The following LRP1B variants were observed in gnomAD, a reference collection of about 807,000 sequenced individuals.
LRP1B encodes the protein low-density lipoprotein receptor-related protein 1B.
Under a neutral mutation model 556.6 loss-of-function variants are expected in LRP1B, and 217 were observed. The observed-to-expected ratio is 0.39, with a 90% CI of 0.35 to 0.44. The LOEUF is 0.44. Ranked by LOEUF, LRP1B falls within the 20% of genes least tolerant of loss-of-function variation. LRP1B has a pLI of 1.00. For missense variants in LRP1B, 5,053 were observed against 5,620.8 expected, an observed-to-expected ratio of 0.90 and a Z score of 3.23; for synonymous variants, 2,047 against 1,865.8, an observed-to-expected ratio of 1.10 and a Z score of -2.50.
intron 14 of LRP1B, among the ~76,000 whole-genome samples, chr2:141,010,639 C>T (rs1056098306): frequency 1.1e-4 from 16 of 151,980 alleles, no homozygotes; most frequent in Admixed American, 3.3e-4. Flanking sequence ...CTCAGCCTCC[C>T]GAGTAGCTAG....
intron 1 of LRP1B, among the ~76,000 whole-genome samples, chr2:142,076,538 C>T (rs1435079433): frequency 2.0e-5 from 3 of 152,040 alleles, no homozygotes; most frequent in African/African-American, 4.8e-5. Flanking sequence ...TTTCATGGGT[C>T]GTTCAAGTGT....
chr2:141,181,296 G>A (rs1358822690), intron 7 of LRP1B, among the ~76,000 whole-genome samples: 1 of 151,872 alleles, frequency 6.6e-6, no homozygotes, highest in Non-Finnish European at 1.5e-5. Context: ...ACATTACAGA[G>A]CAAAGAAATA....
At chr2:140,857,068 A>T (rs1692640285) in intron 27 of LRP1B, among the ~76,000 whole-genome samples, 1 of 152,188 alleles carries the variant, frequency 6.6e-6, no homozygotes, top group African/African-American at 2.4e-5. Context: ...TTCACATTTG[A>T]TTCAAACTGT....
chr2:141,958,212 A>G (rs1200260084), intron 1 of LRP1B, among the ~76,000 whole-genome samples: 4 of 152,022 alleles, frequency 2.6e-5, no homozygotes, highest in Admixed American at 6.6e-5. Context: ...ACAGCCAAAC[A>G]TTGGCATGCT....
intron 79 of LRP1B, among the ~76,000 whole-genome samples, chr2:140,327,577 G>A (rs1680554475): frequency 6.6e-6 from 1 of 151,982 alleles, no homozygotes; most frequent in South Asian, 2.1e-4. Context: ...TGACTGAGAA[G>A]GGTTAAAAAC....
chr2:140,346,420 C>T (rs1681687488), intron 77 of LRP1B, among the ~76,000 whole-genome samples: 1 of 151,812 alleles, frequency 6.6e-6, no homozygotes, highest in African/African-American at 2.4e-5. Flanking sequence ...AACATTATCA[C>T]TTACCTGAGT....
rs139768049 is a variant in LRP1B at position 141,196,651 on chromosome 2, AT to A, written c.851-8069del. On this transcript the variant is annotated intron_variant, in intron 6 of 90. Transcript: ENST00000389484. The stretch of plus-strand genomic sequence containing the variant: ...TTCTTTTTCTTTCTTAGAATTTATT[AT>A]TGCATAATTCTACAAAAGAACTACA... 3.1e-3 allele frequency among the ~76,000 whole-genome samples: 465 copies of A among 152,128 alleles called. 25 individuals carry two copies. The East Asian group carries it at 0.084, about 28-fold the overall frequency.
At chr2:141,616,007 G>T (rs558608064) in intron 2 of LRP1B, among the ~76,000 whole-genome samples, 2 of 152,236 alleles carry the variant, frequency 1.3e-5, no homozygotes, top group African/African-American at 4.8e-5. Flanking sequence ...ATGCTGGCTG[G>T]GCATGGTGGC....
At chr2:141,517,026 A>AAAAAC (rs1684342491) in intron 2 of LRP1B, among the ~76,000 whole-genome samples, 1 of 131,118 alleles carries the variant, frequency 7.6e-6, no homozygotes. Flanking sequence ...AAAAAAAAAA[A>AAAAAC]AAAAAAGTAA....
chr2:140,559,058 A>C (rs1041313497), intron 43 of LRP1B, among the ~76,000 whole-genome samples: 3 of 152,182 alleles, frequency 2.0e-5, no homozygotes, highest in Non-Finnish European at 4.4e-5. Flanking sequence ...AGTACAGAAA[A>C]ACAGATAATA....
intron 2 of LRP1B, among the ~76,000 whole-genome samples, chr2:141,576,350 C>T (rs1325903370): frequency 6.6e-6 from 1 of 152,070 alleles, no homozygotes; most frequent in Non-Finnish European, 1.5e-5. Context: ...TTTCTGTGAA[C>T]AGAAAACCAA....
chr2:141,636,275 T>C (rs1689105957), intron 2 of LRP1B, among the ~76,000 whole-genome samples: 1 of 152,170 alleles, frequency 6.6e-6, no homozygotes, highest in South Asian at 2.1e-4. Flanking sequence ...TAAATTGTTT[T>C]ATTAAACTGA....
rs546744396 is a variant in LRP1B, at chr2:140,602,942, C to T, written c.6800-1303G>A. The stretch of plus-strand genomic sequence containing the variant: ...AAAGCTGAAACTTATAGTCACAGGG[C>T]TGATAATATTAACACAAAATTTTTA... On this transcript the variant is annotated intron_variant, in intron 41 of 90. Transcript: ENST00000389484. Among the ~76,000 whole-genome samples, 354 of 151,946 alleles carry T rather than the reference C, an allele frequency of 2.3e-3. 4 individuals are homozygous for T. Among genetic ancestry groups the T allele is most frequent in the South Asian group, 5.2e-3 (25 of 4,826 alleles).
chr2:141,331,662 C>CT (rs1687663098), intron 3 of LRP1B, among the ~76,000 whole-genome samples: 2 of 151,934 alleles, frequency 1.3e-5, no homozygotes, highest in African/African-American at 4.8e-5. Flanking sequence ...GAAATATTGT[C>CT]TTAATAGGAA....
rs1284000680 is a variant in LRP1B at position 140,483,633 on chromosome 2, TA to T, written c.9425+1709del. Among the ~76,000 whole-genome samples the T allele has an allele frequency of 2.7e-3, 135 of 50,682 alleles. 1 individual carries two copies. The highest frequency in any genetic ancestry group is 6.6e-3 in the African/African-American group (110 of 16,782). The allele number at this position is 50,682 out of a possible 152,430, so 33.2% of individuals were successfully genotyped here. On this transcript the variant is annotated intron_variant, in intron 59 of 90. Transcript: ENST00000389484. The stretch of plus-strand genomic sequence containing the variant: ...ACACACACATATATATATATATATA[TA>T]TATATATTTTTTTTTTTTTTTTTTG...
intron 43 of LRP1B, among the ~76,000 whole-genome samples, chr2:140,550,893 C>T (rs1173690752): frequency 1.3e-5 from 2 of 152,004 alleles, no homozygotes; most frequent in South Asian, 4.1e-4. Flanking sequence ...GAGGTGGGGC[C>T]TTTAGAGGTA....
At chr2:140,537,231 AATT>A (rs902888266) in intron 45 of LRP1B, among the ~76,000 whole-genome samples, 5 of 147,860 alleles carry the variant, frequency 3.4e-5, no homozygotes, top group Admixed American at 2.0e-4. Flanking sequence ...ATAATATAAT[AATT>A]ATTATTATTG....
chr2:140,823,643 T>C (rs895653407), intron 31 of LRP1B, among the ~76,000 whole-genome samples: 1 of 152,130 alleles, frequency 6.6e-6, no homozygotes. Flanking sequence ...GTATTTCAAA[T>C]ATCCTATGTC....
intron 1 of LRP1B, among the ~76,000 whole-genome samples, chr2:142,034,686 G>T (rs1328507812): frequency 6.6e-6 from 1 of 151,710 alleles, no homozygotes; most frequent in Non-Finnish European, 1.5e-5. Context: ...AATCTCCATT[G>T]TTCAAACAAA....
Sources: allele counts gnomAD v4.1 joint callset (sites outside exome capture counted in the v4.1 genomes callset), GRCh38; gene constraint gnomAD v4.1.1; transcripts MANE v1.5; gene names NCBI Gene and HGNC (gene_info 2026-07-23, HGNC 2026-07-21).